Variants in DMD observed in about 807,000 individuals in gnomAD.
The protein encoded by DMD is mutant dystrophin.
In DMD, 63 loss-of-function variants were observed where a neutral mutation model predicts 330.1. The observed-to-expected ratio is 0.19, with a 90% confidence interval of 0.16 to 0.24. The LOEUF (loss-of-function observed/expected upper bound fraction) is 0.24. Ranked by LOEUF, DMD falls within the 10% of genes least tolerant of loss-of-function variation. DMD has a pLI of 1.00. For synonymous variants in DMD, 1,223 were observed against 959.8 expected (o/e 1.27, Z -5.07); for missense variants, 3,344 against 2,684.1 (o/e 1.25, Z -5.43).
intron 2 of DMD, among the ~76,000 whole-genome samples, chrX:33,006,165 TCTC>T: frequency 9.0e-6 from 1 of 111,591 alleles, no homozygotes; most frequent in South Asian, 3.7e-4. Context: ...AGAAGTCAGT[TCTC>T]CTCAAGTTGA....
chrX:32,004,382 A>G (rs2095647421), intron 44 of DMD, among the ~76,000 whole-genome samples: 1 of 111,956 alleles, frequency 8.9e-6, no homozygotes, highest in Admixed American at 9.5e-5. Flanking sequence ...TAGTTTTATA[A>G]TAACAGTATG....
rs374348714 is a variant in DMD at position 33,067,569 on chromosome X, G to C, written c.32-47369C>G. Among the ~76,000 whole-genome samples the C allele has an allele frequency of 1.8e-4, 20 of 112,345 alleles. No individual in the cohort carries two copies. The East Asian group carries it at 3.1e-3, about 17-fold the overall frequency. ...TTAATTCTTTAGCGAGGCCAGGAGCGGTGGCTCACGCCTGTAATCCCAGCA... is the reference window on the plus strand; with the variant it reads ...TTAATTCTTTAGCGAGGCCAGGAGCCGTGGCTCACGCCTGTAATCCCAGCA... On this transcript the variant is annotated intron_variant, in intron 1 of 78. Coordinates refer to ENST00000357033, the MANE Select transcript of DMD (RefSeq NM_004006.3).
chrX:31,128,296 T>G (rs985684931), intron 77 of DMD, among the ~76,000 whole-genome samples: 6 of 111,998 alleles, frequency 5.4e-5, no homozygotes, highest in African/African-American at 1.9e-4. Flanking sequence ...CCCAATGCCC[T>G]GTACCGTATA....
chrX:31,580,926 G>A (rs1183278011), intron 55 of DMD, among the ~76,000 whole-genome samples: 1 of 111,753 alleles, frequency 8.9e-6, no homozygotes, highest in African/African-American at 3.3e-5. Context: ...GTAATGCTTT[G>A]CACATTGTAA....
chrX:32,237,575 C>A (rs1360189855), intron 43 of DMD, among the ~76,000 whole-genome samples: 1 of 111,329 alleles, frequency 9.0e-6, no homozygotes, highest in African/African-American at 3.3e-5. Flanking sequence ...ATTCTCTTAC[C>A]TCTCTTAAAA....
chrX:31,807,933 T>G (rs1452569467), intron 50 of DMD, among the ~76,000 whole-genome samples: 2 of 111,638 alleles, frequency 1.8e-5, no homozygotes, highest in African/African-American at 3.3e-5. Flanking sequence ...TGGGTGTTTT[T>G]GGATAACCAT....
At chrX:31,755,721 C>T (rs184582586) in intron 51 of DMD, among the ~76,000 whole-genome samples, 2 of 111,805 alleles carry the variant, frequency 1.8e-5, no homozygotes, top group Admixed American at 9.5e-5. Flanking sequence ...TATATTATTA[C>T]ATTTTTCTTT....
At chrX:32,411,063 C>G (rs911486867) in intron 30 of DMD, among the ~76,000 whole-genome samples, 5 of 111,729 alleles carry the variant, frequency 4.5e-5, no homozygotes, top group African/African-American at 1.6e-4. Flanking sequence ...CAATATAGAC[C>G]ATGTGACTAA....
intron 18 of DMD, among the ~76,000 whole-genome samples, chrX:32,502,778 A>C (rs2044186951): frequency 9.0e-6 from 1 of 111,579 alleles, no homozygotes; most frequent in Non-Finnish European, 1.9e-5. Context: ...ATTTACATCC[A>C]CAGGCATTTA....
At chrX:31,636,434 A>G (rs2079424222) in intron 54 of DMD, among the ~76,000 whole-genome samples, 1 of 111,990 alleles carries the variant, frequency 8.9e-6, no homozygotes, top group South Asian at 3.7e-4. Flanking sequence ...AGCTCCTTTG[A>G]CAGGATCCAC....
At chrX:32,690,070 CAA>C (rs749874858) in intron 9 of DMD, among the ~76,000 whole-genome samples, 311 of 92,091 alleles carry the variant, frequency 3.4e-3, no homozygotes, top group African/African-American at 9.9e-3. Flanking sequence ...AATAATTAGG[CAA>C]AAAAAAAAAA....
intron 52 of DMD, among the ~76,000 whole-genome samples, chrX:31,712,179 C>CA (rs1391899445): frequency 9.0e-6 from 1 of 111,196 alleles, no homozygotes. Flanking sequence ...AGGAAAATGC[C>CA]AAAAAAATGT....
At chrX:31,409,179 GGTATCTTAAT>G (rs1421174760) in intron 60 of DMD, among the ~76,000 whole-genome samples, 4 of 111,490 alleles carry the variant, frequency 3.6e-5, no homozygotes, top group African/African-American at 1.3e-4. Context: ...ATTTGATCTT[GGTATCTTAAT>G]GTTATCCTTT....
intron 55 of DMD, among the ~76,000 whole-genome samples, chrX:31,531,509 T>G (rs1482981734): frequency 6.5e-4 from 48 of 73,397 alleles, no homozygotes; most frequent in African/African-American, 2.5e-3. Flanking sequence ...CTTCGCCCAC[T>G]TTTTGATGGG....
chrX:32,976,089 C>T (rs934230622), intron 2 of DMD, among the ~76,000 whole-genome samples: 15 of 111,066 alleles, frequency 1.4e-4, no homozygotes, highest in East Asian at 2.8e-4. Context: ...GGTGTGGTGG[C>T]GCAAGCCTGT....
rs186356412 is a variant in DMD, at chrX:31,245,186, T to C, written c.9286+15769A>G. Among the ~76,000 whole-genome samples, 25 of 112,148 alleles carry C rather than the reference T, an allele frequency of 2.2e-4. No homozygotes were observed. In the East Asian group the frequency reaches 6.4e-3, roughly 29 times the overall value. On this transcript the variant is annotated intron_variant, in intron 63 of 78. Coordinates refer to ENST00000357033, the MANE Select transcript of DMD (RefSeq NM_004006.3). ...AAGATAACAAATTGCCAATAAAATC[T>C]ACAACTTAACTGATATTCCCTATTT...
chrX:31,928,792 T>A (rs1762047319), intron 47 of DMD, among the ~76,000 whole-genome samples: 1 of 111,762 alleles, frequency 8.9e-6, no homozygotes, highest in South Asian at 3.7e-4. Context: ...TAATGGTATG[T>A]GAATTATAGC....
At chrX:33,173,971 T>C (rs763968313) in intron 1 of DMD, among the ~76,000 whole-genome samples, 8 of 104,484 alleles carry the variant, frequency 7.7e-5, no homozygotes, top group Non-Finnish European at 1.6e-4. Flanking sequence ...GACCTTAAAA[T>C]CTGGTTGTCA....
chrX:32,811,102 G>A (rs1454395529), intron 6 of DMD, among the ~76,000 whole-genome samples: 1 of 108,580 alleles, frequency 9.2e-6, no homozygotes, highest in Non-Finnish European at 1.9e-5. Flanking sequence ...GGAGGCTGAG[G>A]CTGAAGGATT....
Sources: gnomAD v4.1 joint callset for allele counts (sites outside exome capture counted in the v4.1 genomes callset) on GRCh38, gnomAD v4.1.1 for gene constraint, MANE v1.5 for transcripts, NCBI Gene and HGNC (gene_info 2026-07-23, HGNC 2026-07-21) for gene names.